MEGF10: variants seen among roughly 807,000 people sequenced by gnomAD.
MEGF10 encodes the protein multiple epidermal growth factor-like domains protein 10.
MEGF10 carries 86 observed loss-of-function variants against 147.5 expected under a neutral mutation model. The observed-to-expected ratio is 0.58, with a 90% CI of 0.49 to 0.70. The LOEUF is 0.70. MEGF10 is among the 30% of genes least tolerant of loss of function. The pLI, the probability that MEGF10 is intolerant of heterozygous loss-of-function variation, is 0.00. For synonymous variants in MEGF10, 478 were observed against 525.5 expected (o/e 0.91, Z 1.24); for missense variants, 1,329 against 1,487.3 (o/e 0.89, Z 1.75).
At chr5:127,332,255 T>C (rs1028121499) in intron 2 of MEGF10, among the ~76,000 whole-genome samples, 2 of 152,218 alleles carry the variant, frequency 1.3e-5, no homozygotes, top group Admixed American at 6.5e-5. Flanking sequence ...GCTACTTGAA[T>C]TTCCCAGAAA....
rs1238236268 is a variant in MEGF10 at position 127,440,900 on chromosome 5, A to AT, written c.2362+40dup. 3.7e-6 allele frequency: 6 copies of AT among 1,602,678 alleles called. No individual in the cohort carries two copies. The South Asian group carries it at 6.7e-5, about 18-fold the overall frequency. On this transcript the variant is annotated intron_variant, in intron 18 of 24. Coordinates refer to ENST00000503335, the MANE Select transcript of MEGF10 (RefSeq NM_001256545.2). ...TGAGAGTGTGGCATCACTGGGTGGT[A>AT]TTTTTTTCCTCTAGAATCACATTTC...
At chr5:127,390,031 G>A (rs917288089) in intron 5 of MEGF10, among the ~76,000 whole-genome samples, 1 of 152,126 alleles carries the variant, frequency 6.6e-6, no homozygotes, top group Admixed American at 6.5e-5. Flanking sequence ...ACTGCCAAAA[G>A]GATACATATT....
At chr5:127,333,849 A>G (rs1454277699) in intron 2 of MEGF10, among the ~76,000 whole-genome samples, 1 of 152,200 alleles carries the variant, frequency 6.6e-6, no homozygotes, top group South Asian at 2.1e-4. Flanking sequence ...TCTAAACCTA[A>G]TAGAACCCAA....
the MEGF10 span, among the ~76,000 whole-genome samples, chr5:127,237,814 C>T: frequency 6.6e-6 from 1 of 152,012 alleles, no homozygotes; most frequent in Non-Finnish European, 1.5e-5. Flanking sequence ...CCTTCCCTTG[C>T]TTCTCCCTGC....
At chr5:127,435,807 A>G (rs1030049689) in intron 16 of MEGF10, among the ~76,000 whole-genome samples, 2 of 152,166 alleles carry the variant, frequency 1.3e-5, no homozygotes, top group African/African-American at 2.4e-5. Context: ...CTATCTCTTC[A>G]TTTTGTGTTT....
chr5:127,268,953 C>T, the MEGF10 span, among the ~76,000 whole-genome samples: 1 of 152,234 alleles, frequency 6.6e-6, no homozygotes, highest in Non-Finnish European at 1.5e-5. Context: ...TCTGCAGCCT[C>T]CGCTGCTGAT....
At chr5:127,295,982 T>C (rs1759479312) in intron 1 of MEGF10, among the ~76,000 whole-genome samples, 1 of 152,242 alleles carries the variant, frequency 6.6e-6, no homozygotes, top group Non-Finnish European at 1.5e-5. Flanking sequence ...CTAATCTCTT[T>C]ATTCAGTCAT....
chr5:127,405,673 T>A (rs1017030521), intron 8 of MEGF10, among the ~76,000 whole-genome samples: 24 of 152,258 alleles, frequency 1.6e-4, no homozygotes, highest in Admixed American at 4.6e-4. Flanking sequence ...AAAGTAAAAA[T>A]CCCTGTCTTG....
chr5:127,428,141 ATTTTTTTTTTT>A (rs66935934), intron 13 of MEGF10, among the ~76,000 whole-genome samples: 4 of 103,568 alleles, frequency 3.9e-5, no homozygotes, highest in East Asian at 2.6e-4. Flanking sequence ...GGTGTCTGGT[ATTTTTTTTTTT>A]TTTTTTTTTT....
At chr5:127,438,018 T>A (rs971164443) in intron 16 of MEGF10, among the ~76,000 whole-genome samples, 4 of 152,198 alleles carry the variant, frequency 2.6e-5, no homozygotes, top group African/African-American at 9.6e-5. Context: ...TGATTTTTCA[T>A]TTTGTTGGTT....
rs1209255806 is a variant in MEGF10 at position 127,396,539 on chromosome 5, T to C, written c.420T>C (p.Asp140=). The part of the protein sequence containing the change: ...WGGTNCSSAC[D]GDHWGPHCTS... ...TTCTCTCCTCAATCTCAGCCTGCGA[T>C]GGTGATCACTGGGGTCCCCACTGCA... The change falls in exon 6 of 25, where the codon GAT becomes GAC. Residue 140 remains aspartate, a synonymous_variant. Coordinates refer to ENST00000503335, the MANE Select transcript of MEGF10 (RefSeq NM_001256545.2). 6.5e-7 allele frequency: 1 copy of C among 1,542,792 alleles called. No homozygotes were observed. Among genetic ancestry groups the C allele is most frequent in the Admixed American group, 1.9e-5 (1 of 51,468 alleles).
chr5:127,264,494 A>G, the MEGF10 span, among the ~76,000 whole-genome samples: 1 of 152,154 alleles, frequency 6.6e-6, no homozygotes, highest in Non-Finnish European at 1.5e-5. Context: ...GTATAGTGAT[A>G]ATCTTACTCA....
intron 4 of MEGF10, among the ~76,000 whole-genome samples, chr5:127,361,927 T>G (rs1480263072): frequency 6.6e-6 from 1 of 152,188 alleles, no homozygotes; most frequent in Admixed American, 6.5e-5. Context: ...TGATTGAGAT[T>G]TGTTTTATTT....
chr5:127,437,846 A>G (rs1443829683), intron 16 of MEGF10, among the ~76,000 whole-genome samples: 2 of 152,236 alleles, frequency 1.3e-5, no homozygotes, highest in East Asian at 3.9e-4. Flanking sequence ...AACATGAGCT[A>G]CATGGCCTTG....
At chr5:127,457,087 T>C (rs531678027) in intron 24 of MEGF10, 41 bp from the exon 25 acceptor site, 3 of 1,518,288 alleles carry the variant, frequency 2.0e-6, no homozygotes, top group Admixed American at 2.1e-5. Context: ...TTTAAAAACA[T>C]TTCCTTTGCT....
At chr5:127,375,808 A>G (rs1055943690) in intron 5 of MEGF10, among the ~76,000 whole-genome samples, 1 of 152,226 alleles carries the variant, frequency 6.6e-6, no homozygotes, top group African/African-American at 2.4e-5. Context: ...AGCACAGTAA[A>G]ACTTCCATTT....
intron 9 of MEGF10, among the ~76,000 whole-genome samples, chr5:127,412,320 G>T (rs1304672356): frequency 6.6e-6 from 1 of 152,100 alleles, no homozygotes; most frequent in Non-Finnish European, 1.5e-5. Context: ...TTGATTATAT[G>T]ACTCTATCTT....
intron 19 of MEGF10, chr5:127,445,204 C>G (rs527786454): frequency 4.2e-6 from 2 of 475,792 alleles, no homozygotes; most frequent in East Asian, 7.8e-5. Flanking sequence ...GTAGCTGGAA[C>G]TCCGGGCACG....
At chr5:127,436,164 AAC>A (rs1765547539) in intron 16 of MEGF10, among the ~76,000 whole-genome samples, 1 of 152,196 alleles carries the variant, frequency 6.6e-6, no homozygotes, top group African/African-American at 2.4e-5. Flanking sequence ...AATTTTATGA[AAC>A]ACTCTCAGTT....
Sources: allele counts gnomAD v4.1 joint callset (sites outside exome capture counted in the v4.1 genomes callset), GRCh38; gene constraint gnomAD v4.1.1; transcripts MANE v1.5; gene names NCBI Gene and HGNC (gene_info 2026-07-23, HGNC 2026-07-21).